Variants in MCM9 observed in about 807,000 individuals in gnomAD.
The protein encoded by MCM9 is minichromosome maintenance 9 homologous recombination repair factor.
Under a neutral mutation model 72.8 loss-of-function variants are expected in MCM9, and 55 were observed. The observed-to-expected ratio is 0.76, with a 90% CI of 0.61 to 0.95. The LOEUF is 0.95. MCM9 is among the 40% of genes least tolerant of loss of function. MCM9 has a pLI of 0.00. For synonymous variants in MCM9, 480 were observed against 503.4 expected (o/e 0.95, Z 0.62); for missense variants, 1,279 against 1,377.0 (o/e 0.93, Z 1.13).
chr6:118,839,489 G>T (rs1775202447), intron 9 of MCM9, among the ~76,000 whole-genome samples: 2 of 152,048 alleles, frequency 1.3e-5, no homozygotes, highest in South Asian at 4.2e-4. Context: ...TTGTGGAGGA[G>T]AATTTGAAGA....
intron 12 of MCM9, among the ~76,000 whole-genome samples, 175 bp from the exon 13 acceptor site, chr6:118,826,467 G>C (rs919526283): frequency 1.3e-5 from 2 of 152,078 alleles, no homozygotes; most frequent in African/African-American, 4.8e-5. Flanking sequence ...CCCAGTTCTT[G>C]GTGGCAATCA....
intron 13 of MCM9, among the ~76,000 whole-genome samples, chr6:118,825,685 T>C (rs1041518551): frequency 3.9e-5 from 6 of 152,240 alleles, no homozygotes; most frequent in Admixed American, 2.0e-4. Flanking sequence ...CATTAATAGT[T>C]TGGGCAAAAT....
intron 5 of MCM9, 160 bp downstream of exon 5, chr6:118,921,845 C>T: frequency 1.7e-6 from 1 of 571,600 alleles, no homozygotes; most frequent in Non-Finnish European, 3.1e-6. Context: ...CAGCTCTCTT[C>T]CTGCTATCAC....
intron 9 of MCM9, among the ~76,000 whole-genome samples, chr6:118,848,901 G>A (rs1403013275): frequency 6.6e-6 from 1 of 151,700 alleles, no homozygotes; most frequent in Admixed American, 6.6e-5. Context: ...CAGCCTGGGT[G>A]ACAGAGCAAG....
intron 3 of MCM9, among the ~76,000 whole-genome samples, chr6:118,929,023 C>T (rs1233957370): frequency 6.6e-6 from 1 of 152,064 alleles, no homozygotes; most frequent in African/African-American, 2.4e-5. Flanking sequence ...AGTTCAAGAC[C>T]AGCCTGAGCA....
intron 13 of MCM9, among the ~76,000 whole-genome samples, chr6:118,823,350 T>C (rs188441948): frequency 5.3e-5 from 8 of 152,052 alleles, no homozygotes; most frequent in Non-Finnish European, 1.0e-4. Context: ...GGGAGGGAAG[T>C]CCTCCGGGTC....
At chr6:118,904,115 T>C (rs1415317696) in intron 8 of MCM9, among the ~76,000 whole-genome samples, 1 of 152,198 alleles carries the variant, frequency 6.6e-6, no homozygotes, top group Non-Finnish European at 1.5e-5. Context: ...ATATCTGTGT[T>C]AATGCTGGTA....
In MCM9 at chr6:118,826,810, A is replaced by C; in HGVS notation, c.1787T>G (p.Val596Gly). The C allele has an allele frequency of 1.3e-6, 2 of 1,550,402 alleles. No homozygotes were observed. The highest frequency in any genetic ancestry group is 1.7e-6 in the Non-Finnish European group (2 of 1,146,906). Residue 596 changes from valine (V) to glycine (G), a missense_variant, in exon 12 of 14, where the codon GTG becomes GGG. Physicochemically the swap from Val to Gly is moderately radical, Grantham distance 109 (BLOSUM62 -3). Coordinates refer to ENST00000619706, the MANE Select transcript of MCM9 (RefSeq NM_017696.3). ...CATTGAGGACTCCATGACTGACACC[A>C]CCGTAATAGCGTCTTCCAGAGTTAC... ...DTVTLEDAIT[V>G]VSVMESSMQG...
At position 118,852,600 on chromosome 6, in the gene MCM9, C is replaced by T. The variant is rs137990174; in HGVS notation, c.1325+3771G>A. Among the ~76,000 whole-genome samples, 513 of 152,312 alleles carry T rather than the reference C, an allele frequency of 3.4e-3. 4 individuals carry two copies. The highest frequency in any genetic ancestry group is 0.012 in the African/African-American group (492 of 41,566). ...TTCAGCTGTGAACTTGCCACTCATA[C>T]ACTGTTACCAAGCAGGGAAGAGATG... On this transcript the variant is annotated intron_variant, in intron 9 of 13. Coordinates refer to ENST00000619706, the MANE Select transcript of MCM9 (RefSeq NM_017696.3).
chr6:118,930,163 T>A (rs988165282), intron 3 of MCM9, among the ~76,000 whole-genome samples: 1 of 152,146 alleles, frequency 6.6e-6, no homozygotes, highest in African/African-American at 2.4e-5. Context: ...CAGGCTGGAG[T>A]GCAATGGCGC....
Position 118,815,137 on chromosome 6 carries a change from T to G in MCM9, c.3119A>C (p.Glu1040Ala). The change falls in exon 14 of 14, where the codon GAG becomes GCG. Residue 1040 changes from glutamate (E) to alanine (A), a missense_variant. Coordinates refer to ENST00000619706, the MANE Select transcript of MCM9 (RefSeq NM_017696.3). ...GCCGCTTTTATTACTGCCTGAAACC[T>G]CTTCCTTTTTGTCTCCCTCACAAGT... ...HLTCEGDKKE[E>A]VSGSNKSGKV... 6.4e-7 allele frequency: 1 copy of G among 1,550,506 alleles called. No individual in the cohort carries two copies. Among genetic ancestry groups the G allele is most frequent in the Non-Finnish European group, 8.7e-7 (1 of 1,146,934 alleles).
intron 13 of MCM9, among the ~76,000 whole-genome samples, chr6:118,817,020 C>T (rs1482050465): frequency 1.3e-5 from 2 of 152,118 alleles, no homozygotes; most frequent in Non-Finnish European, 2.9e-5. Flanking sequence ...TATTTACTTT[C>T]TACGAATGAA....
intron 8 of MCM9, chr6:118,905,971 A>G (rs1352627136): frequency 1.0e-5 from 6 of 579,204 alleles, no homozygotes; most frequent in Non-Finnish European, 1.7e-5. Context: ...CAAACTAATT[A>G]TTGTTCCATT....
At chr6:118,911,885 A>C in intron 7 of MCM9, 116 bp from the exon 8 acceptor site, 2 of 705,654 alleles carry the variant, frequency 2.8e-6, no homozygotes, top group Non-Finnish European at 4.6e-6. Context: ...TCGTTTGAGA[A>C]AGGATTTAAC....
chr6:118,927,357 A>C (rs906392964), intron 3 of MCM9, among the ~76,000 whole-genome samples: 1 of 152,074 alleles, frequency 6.6e-6, no homozygotes, highest in Non-Finnish European at 1.5e-5. Flanking sequence ...TAATCCCAGC[A>C]CTTTGGGAGG....
At chr6:118,902,466 C>G (rs1396465475) in intron 8 of MCM9, among the ~76,000 whole-genome samples, 1 of 151,354 alleles carries the variant, frequency 6.6e-6, no homozygotes, top group African/African-American at 2.4e-5. Context: ...CTAAGGAACC[C>G]ATACTTTACT....
At chr6:118,825,198 AG>A (rs1405774128) in intron 13 of MCM9, among the ~76,000 whole-genome samples, 1 of 152,170 alleles carries the variant, frequency 6.6e-6, no homozygotes, top group Non-Finnish European at 1.5e-5. Flanking sequence ...AACAACCCAA[AG>A]GAATAACTTT....
At chr6:118,873,380 C>A (rs761321008) in intron 8 of MCM9, among the ~76,000 whole-genome samples, 1 of 152,042 alleles carries the variant, frequency 6.6e-6, no homozygotes, top group African/African-American at 2.4e-5. Context: ...TAAAATTCAT[C>A]GGCCTCTGGA....
chr6:118,923,695 C>A (rs1422924452), intron 4 of MCM9, 116 bp downstream of exon 4: 5 of 903,576 alleles, frequency 5.5e-6, no homozygotes, highest in East Asian at 5.3e-5. Context: ...TGATCTTCCA[C>A]AAAGTGACAA....
Sources: allele counts gnomAD v4.1 joint callset (sites outside exome capture counted in the v4.1 genomes callset), GRCh38; gene constraint gnomAD v4.1.1; transcripts MANE v1.5; gene names NCBI Gene and HGNC (gene_info 2026-07-23, HGNC 2026-07-21).